RPRD2: variants seen among roughly 807,000 people sequenced by gnomAD.
RPRD2 encodes the protein regulation of nuclear pre-mRNA domain-containing protein 2.
A neutral mutation model predicts 104.4 loss-of-function variants in RPRD2; 12 were observed. That is an observed-to-expected ratio of 0.11 (90% CI 0.07 to 0.19). The LOEUF (loss-of-function observed/expected upper bound fraction) is 0.19, where lower values mean the gene tolerates loss of function less well. RPRD2 is among the 10% of genes least tolerant of loss of function. The pLI is 1.00. For missense variants in RPRD2, 1,543 were observed against 1,790.1 expected, an observed-to-expected ratio of 0.86 and a Z score of 2.49; for synonymous variants, 714 against 684.9, an observed-to-expected ratio of 1.04 and a Z score of -0.66.
intron 2 of RPRD2, among the ~76,000 whole-genome samples, chr1:150,436,809 G>A (rs1666033531): frequency 6.6e-6 from 1 of 151,014 alleles, no homozygotes; most frequent in African/African-American, 2.4e-5. Flanking sequence ...GGAAGCCGAG[G>A]CAGGACAATT....
chr1:150,459,388 A>G (rs1667766527), intron 8 of RPRD2, among the ~76,000 whole-genome samples: 1 of 152,244 alleles, frequency 6.6e-6, no homozygotes, highest in Non-Finnish European at 1.5e-5. Context: ...TTCTAAGAAC[A>G]GAAGTTCTTA....
intron 1 of RPRD2, among the ~76,000 whole-genome samples, chr1:150,412,165 T>C (rs2102258392): frequency 6.6e-6 from 1 of 152,260 alleles, no homozygotes; most frequent in South Asian, 2.1e-4. Flanking sequence ...ATTCCAGTCT[T>C]CTGGATGCTT....
At chr1:150,373,532 A>ATTTTTTT (rs1572342696) in intron 1 of RPRD2, among the ~76,000 whole-genome samples, 3 of 44,942 alleles carry the variant, frequency 6.7e-5, no homozygotes, top group Non-Finnish European at 1.1e-4. Flanking sequence ...ATCAAGAATG[A>ATTTTTTT]CTTTTTTTTT....
chr1:150,434,642 C>A (rs1553892736), intron 2 of RPRD2, among the ~76,000 whole-genome samples: 1 of 151,926 alleles, frequency 6.6e-6, no homozygotes, highest in African/African-American at 2.4e-5. Context: ...GTGGTGAAAC[C>A]CTGTCTCTAC....
chr1:150,472,828 C>T lies in RPRD2; in HGVS notation c.3880C>T (p.Pro1294Ser), dbSNP rs1008672027. ...GSGVPFSTPP[P>S]PPPPVDHSGV... is the part of the protein sequence containing the mutation. The stretch of plus-strand genomic sequence containing the variant: ...TGGTGTCCCCTTTTCTACTCCACCC[C>T]CTCCTCCACCCCCTGTTGACCACTC... The change falls in exon 11 of 11, where the codon CCT (proline) becomes TCT (serine). Residue 1294 changes from proline (P) to serine (S), a missense_variant. Pro to Ser is a moderately conservative substitution (Grantham distance 74). Coordinates refer to ENST00000369068, the MANE Select transcript of RPRD2 (RefSeq NM_015203.5). 2.5e-6 allele frequency: 4 copies of T among 1,609,618 alleles called. No homozygotes were observed. Among genetic ancestry groups the T allele is most frequent in the African/African-American group, 1.3e-5 (1 of 74,968 alleles).
At chr1:150,468,953 A>ATTT (rs66474269) in intron 10 of RPRD2, among the ~76,000 whole-genome samples, 1 of 144,748 alleles carries the variant, frequency 6.9e-6, no homozygotes. Context: ...AAACATGCCG[A>ATTT]TTTTTTTTTT....
intron 1 of RPRD2, among the ~76,000 whole-genome samples, chr1:150,385,314 C>A (rs1374084504): frequency 2.0e-5 from 3 of 151,358 alleles, no homozygotes; most frequent in Non-Finnish European, 4.4e-5. Context: ...GCACCACCCC[C>A]ACCAAAAAAA....
intron 1 of RPRD2, among the ~76,000 whole-genome samples, chr1:150,367,784 G>A (rs1260368): frequency 0.33 from 49,695 of 150,882 alleles, 8,877 homozygotes; most frequent in Non-Finnish European, 0.4. Context: ...GTGCAGTGGC[G>A]CGATCTCAGC....
At chr1:150,402,503 CCTT>C (rs1370755712) in intron 1 of RPRD2, among the ~76,000 whole-genome samples, 1 of 151,728 alleles carries the variant, frequency 6.6e-6, no homozygotes, top group Non-Finnish European at 1.5e-5. Flanking sequence ...CATAGTGAGA[CCTT>C]CTCTCTACAC....
intron 1 of RPRD2, among the ~76,000 whole-genome samples, chr1:150,414,077 G>GA (rs1183219424): frequency 1.3e-5 from 2 of 150,158 alleles, no homozygotes; most frequent in African/African-American, 4.9e-5. Flanking sequence ...GGTGACAGAA[G>GA]AAAAAAAAAA....
chr1:150,390,041 T>C (rs1661948171), intron 1 of RPRD2, among the ~76,000 whole-genome samples: 1 of 152,166 alleles, frequency 6.6e-6, no homozygotes, highest in Non-Finnish European at 1.5e-5. Flanking sequence ...AGAAAAAGCT[T>C]TCTCTGATTA....
At chr1:150,371,520 A>G (rs587740880) in intron 1 of RPRD2, among the ~76,000 whole-genome samples, 1 of 152,224 alleles carries the variant, frequency 6.6e-6, no homozygotes, top group African/African-American at 2.4e-5. Context: ...ACAGGCACCC[A>G]CCACCAGGCT....
chr1:150,473,556 T>TAAAAAAAAAAAAAAAAAAAAAAAAAAAA lies in RPRD2; in HGVS notation c.*245_*246insAAAAAAAAAAAAAAAAAAAAAAAAAAAA, dbSNP rs61486244. The TAAAAAAAAAAAAAAAAAAAAAAAAAAAA allele has an allele frequency of 2.0e-5, 2 of 98,120 alleles. No individual in the cohort carries two copies. The highest frequency in any genetic ancestry group is 1.1e-4 in the Admixed American group (1 of 8,824). The allele number at this position is 98,120 out of a possible 1,614,324, so 6.1% of individuals were successfully genotyped here. ...TCTACCTTCCCCAAGTTGTTTGTAT[T>TAAAAAAAAAAAAAAAAAAAAAAAAAAAA]AAAAAAAAAAAAAAAAAAAAAAAGT... On this transcript the variant is annotated 3_prime_UTR_variant, in exon 11 of 11. Coordinates refer to ENST00000369068, the MANE Select transcript of RPRD2 (RefSeq NM_015203.5).
chr1:150,399,878 G>A (rs1467396583), intron 1 of RPRD2, among the ~76,000 whole-genome samples: 1 of 152,124 alleles, frequency 6.6e-6, no homozygotes, highest in Non-Finnish European at 1.5e-5. Context: ...GTCTATTGTG[G>A]GTCTTTTGTT....
intron 1 of RPRD2, among the ~76,000 whole-genome samples, chr1:150,376,701 C>T (rs377335275): frequency 1.3e-5 from 2 of 151,350 alleles, no homozygotes; most frequent in African/African-American, 2.4e-5. Context: ...GGGGTTTCAC[C>T]GTGTTAGCCA....
At position 150,473,224 on chromosome 1, in the gene RPRD2, C is replaced by G. The variant is rs587650982; in HGVS notation, c.4276C>G (p.Pro1426Ala). 47 of 1,613,970 alleles carry G rather than the reference C, an allele frequency of 2.9e-5. No individual in the cohort carries two copies. Among genetic ancestry groups the G allele is most frequent in the Non-Finnish European group, 3.6e-5 (43 of 1,179,872 alleles). Residue 1426 changes from proline (P) to alanine (A), a missense_variant, in exon 11 of 11, where the codon CCT (proline) becomes GCT (alanine). Physicochemically the swap from Pro to Ala is conservative, Grantham distance 27. Around this residue, in one of 4 missense-constraint regions of RPRD2, gnomAD observed 880 missense variants for 885.6 expected, o/e 0.99. Transcript: ENST00000369068. ...CCGGCCAGACTTTCGGCCTAGGGAA[C>G]CTTTTCTCAGCAGAGACCCATTTCA... ...SPRPDFRPREPFLSRDPFHSL... is the reference protein window; with the variant it reads ...SPRPDFRPREAFLSRDPFHSL...
At chr1:150,460,896 T>G (rs1667890419) in intron 9 of RPRD2, among the ~76,000 whole-genome samples, 1 of 150,796 alleles carries the variant, frequency 6.6e-6, no homozygotes, top group Non-Finnish European at 1.5e-5. Flanking sequence ...CAGCTAATTT[T>G]GTATTTTTGG....
At chr1:150,426,412 G>A (rs1316083405) in intron 2 of RPRD2, among the ~76,000 whole-genome samples, 1 of 152,130 alleles carries the variant, frequency 6.6e-6, no homozygotes, top group Admixed American at 6.5e-5. Context: ...TCGTGCTTCA[G>A]TTTTCCCATC....
At chr1:150,369,289 G>A (rs73017006) in intron 1 of RPRD2, among the ~76,000 whole-genome samples, 7,192 of 151,854 alleles carry the variant, frequency 0.047, 432 homozygotes, top group African/African-American at 0.13. Flanking sequence ...CTTTTCTGTG[G>A]GGAGGTGGGG....
Sources: allele counts gnomAD v4.1 joint callset (sites outside exome capture counted in the v4.1 genomes callset), GRCh38; gene constraint gnomAD v4.1.1; regional missense constraint gnomAD v4.1.1; transcripts MANE v1.5; gene names NCBI Gene and HGNC (gene_info 2026-07-23, HGNC 2026-07-21).